CDH7: variants seen among roughly 807,000 people sequenced by gnomAD.
CDH7 encodes cadherin-7.
Under a neutral mutation model 71.8 loss-of-function variants are expected in CDH7, and 25 were observed. The observed-to-expected ratio is 0.35, with a 90% CI of 0.25 to 0.49. The LOEUF is 0.49. CDH7 is among the 20% of genes least tolerant of loss of function. The pLI, the probability that CDH7 is intolerant of heterozygous loss-of-function variation, is 0.99. For missense variants in CDH7, 862 were observed against 974.6 expected (o/e 0.88, Z 1.54); for synonymous variants, 381 against 363.8 (o/e 1.05, Z -0.54).
intron 2 of CDH7, among the ~76,000 whole-genome samples, chr18:65,796,209 A>G (rs576680391): frequency 6.6e-6 from 1 of 152,278 alleles, no homozygotes; most frequent in African/African-American, 2.4e-5. Context: ...AAGCTAGTAT[A>G]CACAAGAAAA....
At chr18:65,801,952 G>A (rs8086353) in intron 2 of CDH7, among the ~76,000 whole-genome samples, 199 of 152,276 alleles carry the variant, frequency 1.3e-3, no homozygotes, top group African/African-American at 4.5e-3. Flanking sequence ...TGGTGTCTGC[G>A]ACACGTACAT....
Position 65,883,645 on chromosome 18 carries a change from G to C in CDH7, c.*2751G>C, listed in dbSNP as rs1914293972. ...ATTTTGGTAGGTTGATGTCAGCCTT[G>C]GTGGGATTATTTAGACCACAACAGT... On this transcript the variant is annotated 3_prime_UTR_variant, in exon 12 of 12. Coordinates refer to ENST00000397968, the MANE Select transcript of CDH7 (RefSeq NM_004361.5). The C allele has an allele frequency of 6.6e-6, 1 of 151,970 alleles. No homozygotes were observed. The highest frequency in any genetic ancestry group is 2.1e-4 in the South Asian group (1 of 4,820). 9.4% of individuals were successfully genotyped at this position (151,970 alleles called of 1,614,324 possible).
Position 65,763,257 on chromosome 18 carries a change from A to G in CDH7, c.210+205A>G, listed in dbSNP as rs12456905. On this transcript the variant is annotated intron_variant, in intron 2 of 11. Transcript: ENST00000397968. ...AAGGTATAATATTCATTACAGTGAA[A>G]CTGTATATTAGGGAATGATGCTTCA... Among the ~76,000 whole-genome samples, 59,579 of 152,048 alleles carry G rather than the reference A, an allele frequency of 0.39. 12,753 individuals carry two copies. The highest frequency in any genetic ancestry group is 0.57 in the African/African-American group (23,603 of 41,478).
intron 2 of CDH7, among the ~76,000 whole-genome samples, chr18:65,785,813 C>A (rs9319697): frequency 0.4 from 60,581 of 151,906 alleles, 13,470 homozygotes; most frequent in African/African-American, 0.6. Context: ...GTTCCTTTCT[C>A]CTTAAGAAAG....
intron 11 of CDH7, among the ~76,000 whole-genome samples, chr18:65,866,958 TAATC>T (rs1220627579): frequency 6.6e-6 from 1 of 152,038 alleles, no homozygotes; most frequent in African/African-American, 2.4e-5. Flanking sequence ...CATCATAAAA[TAATC>T]AATTAGATAC....
rs1440040105 is a variant in CDH7, at chr18:65,809,913, C to T, written c.420C>T (p.Val140=). The T allele has an allele frequency of 3.1e-6, 5 of 1,613,898 alleles. No homozygotes were observed. Among genetic ancestry groups the T allele is most frequent in the Non-Finnish European group, 4.2e-6 (5 of 1,179,988 alleles). The change falls in exon 3 of 12, where the codon GTC becomes GTT. Residue 140 remains valine (V), a synonymous_variant. Coordinates refer to ENST00000397968, the MANE Select transcript of CDH7 (RefSeq NM_004361.5). ...NKPVEPESEF[V]IKIQDINDNE... ...CCGTGGAGCCCGAGTCGGAGTTTGT[C>T]ATCAAAATTCAGGATATCAACGACA... is the stretch of plus-strand genomic sequence containing the variant.
intron 2 of CDH7, among the ~76,000 whole-genome samples, chr18:65,801,481 A>G (rs1911122616): frequency 6.6e-6 from 1 of 152,230 alleles, no homozygotes; most frequent in African/African-American, 2.4e-5. Context: ...AATCATTGAG[A>G]CCAACTTTTC....
chr18:65,753,986 A>G (rs1348908961), intron 1 of CDH7, among the ~76,000 whole-genome samples: 1 of 152,208 alleles, frequency 6.6e-6, no homozygotes, highest in Non-Finnish European at 1.5e-5. Context: ...CACGTGGCCC[A>G]AGGTAAATAC....
intron 1 of CDH7, 71 bp from the exon 2 acceptor site, chr18:65,762,576 T>A (rs1916223164): frequency 4.0e-6 from 1 of 253,128 alleles, no homozygotes; most frequent in African/African-American, 2.2e-5. Context: ...CAATAGTAGA[T>A]TAGTCAATGA....
At chr18:65,767,400 C>T (rs759590982) in intron 2 of CDH7, among the ~76,000 whole-genome samples, 1 of 151,878 alleles carries the variant, frequency 6.6e-6, no homozygotes, top group African/African-American at 2.4e-5. Flanking sequence ...AAATTAGATT[C>T]CTTAACTGGA....
At chr18:65,780,918 GTT>G (rs35645871) in intron 2 of CDH7, among the ~76,000 whole-genome samples, 11,795 of 104,794 alleles carry the variant, frequency 0.11, 1,715 homozygotes, top group African/African-American at 0.34. Context: ...CTCTATTCCT[GTT>G]TTTTTTTTTT....
At chr18:65,824,061 A>G (rs1912036980) in intron 5 of CDH7, among the ~76,000 whole-genome samples, 1 of 146,716 alleles carries the variant, frequency 6.8e-6, no homozygotes, top group African/African-American at 2.5e-5. Context: ...TTCAACTAAT[A>G]TTGTCTAGGC....
intron 2 of CDH7, among the ~76,000 whole-genome samples, chr18:65,766,901 A>AG (rs1568174087): frequency 1.8e-5 from 1 of 55,460 alleles, no homozygotes; most frequent in Non-Finnish European, 3.2e-5. Flanking sequence ...AAAAAAAAAA[A>AG]AAAAAAAAAA....
chr18:65,794,772 G>A (rs1284131316), intron 2 of CDH7, among the ~76,000 whole-genome samples: 1 of 152,050 alleles, frequency 6.6e-6, no homozygotes, highest in Admixed American at 6.6e-5. Flanking sequence ...TGAGAATACA[G>A]GCTTCGTTGT....
At chr18:65,782,710 A>T (rs1268141031) in intron 2 of CDH7, among the ~76,000 whole-genome samples, 2 of 152,126 alleles carry the variant, frequency 1.3e-5, no homozygotes, top group African/African-American at 2.4e-5. Flanking sequence ...ACTGTGCCTT[A>T]TGTGTGTTTC....
intron 1 of CDH7, among the ~76,000 whole-genome samples, chr18:65,758,570 A>C (rs774491077): frequency 6.6e-6 from 1 of 152,224 alleles, no homozygotes; most frequent in Non-Finnish European, 1.5e-5. Context: ...ACTTATCTCA[A>C]AAAAGAAAAT....
intron 2 of CDH7, among the ~76,000 whole-genome samples, chr18:65,770,487 G>A (rs1381746577): frequency 6.6e-6 from 1 of 152,078 alleles, no homozygotes; most frequent in East Asian, 1.9e-4. Flanking sequence ...GTATTTACAG[G>A]GTTGAAATCT....
intron 7 of CDH7, among the ~76,000 whole-genome samples, chr18:65,855,346 A>T (rs1368836214): frequency 9.3e-6 from 1 of 107,780 alleles, no homozygotes; most frequent in Non-Finnish European, 2.3e-5. Context: ...ACCAACATTG[A>T]CAAAGGAAAA....
intron 11 of CDH7, among the ~76,000 whole-genome samples, chr18:65,875,536 A>G (rs371294361): frequency 4.6e-5 from 7 of 152,212 alleles, no homozygotes; most frequent in African/African-American, 1.7e-4. Flanking sequence ...CCTTTTATTT[A>G]TCTTGGTTTT....
Sources: gnomAD v4.1 joint callset for allele counts (sites outside exome capture counted in the v4.1 genomes callset) on GRCh38, gnomAD v4.1.1 for gene constraint, MANE v1.5 for transcripts, NCBI Gene and HGNC (gene_info 2026-07-23, HGNC 2026-07-21) for gene names.